CEP128: variants seen among roughly 807,000 people sequenced by gnomAD.
CEP128 encodes the protein centrosomal protein 128.
In CEP128, 132 loss-of-function variants were observed where a neutral mutation model predicts 156.7. The observed-to-expected ratio is 0.84, with a 90% CI of 0.73 to 0.97. The LOEUF (loss-of-function observed/expected upper bound fraction) is 0.97, where lower values mean the gene tolerates loss of function less well. Among genes scored for constraint, CEP128 ranks in the 50% least tolerant of loss-of-function variants. The pLI, the probability that CEP128 is intolerant of heterozygous loss-of-function variation, is 0.00. For synonymous variants in CEP128, 469 were observed against 448.9 expected (o/e 1.04, Z -0.57); for missense variants, 1,252 against 1,281.9 (o/e 0.98, Z 0.36).
At chr14:80,518,235 T>C (rs1387094905) in intron 23 of CEP128, among the ~76,000 whole-genome samples, 1 of 151,318 alleles carries the variant, frequency 6.6e-6, no homozygotes, top group Admixed American at 6.6e-5. Context: ...ATTGGTATTT[T>C]AGTGAGCTCT....
chr14:80,894,801 T>A, intron 8 of CEP128: 1 of 297,162 alleles, frequency 3.4e-6, no homozygotes, highest in Non-Finnish European at 6.5e-6. Flanking sequence ...AAAGATCAAC[T>A]TAGTTGATCT....
chr14:80,889,304 A>G (rs745701110), intron 8 of CEP128, among the ~76,000 whole-genome samples: 4 of 152,252 alleles, frequency 2.6e-5, no homozygotes, highest in Non-Finnish European at 4.4e-5. Flanking sequence ...GAACCAAAAA[A>G]GAGCCTGCAT....
At chr14:80,593,233 A>C (rs1892158379) in intron 19 of CEP128, among the ~76,000 whole-genome samples, 1 of 152,120 alleles carries the variant, frequency 6.6e-6, no homozygotes, top group Non-Finnish European at 1.5e-5. Context: ...TGCAGATGAC[A>C]TGATTGTTTA....
chr14:80,719,824 A>G (rs1196005361), intron 19 of CEP128, among the ~76,000 whole-genome samples: 3 of 152,226 alleles, frequency 2.0e-5, no homozygotes, highest in Admixed American at 6.5e-5. Context: ...TTTTCAACAC[A>G]TAGTAACTGT....
intron 24 of CEP128, among the ~76,000 whole-genome samples, chr14:80,502,742 C>T (rs1046176506): frequency 6.6e-6 from 1 of 152,008 alleles, no homozygotes; most frequent in Non-Finnish European, 1.5e-5. Flanking sequence ...CCCTGTATTA[C>T]TCATTTGCCG....
intron 19 of CEP128, among the ~76,000 whole-genome samples, chr14:80,624,736 C>G (rs1490438899): frequency 2.0e-5 from 3 of 152,076 alleles, no homozygotes; most frequent in African/African-American, 7.2e-5. Context: ...AGAGAAATGT[C>G]TACTCAGACC....
At chr14:80,711,333 G>GTGTGTGTGTGTC in intron 19 of CEP128, among the ~76,000 whole-genome samples, 1 of 146,948 alleles carries the variant, frequency 6.8e-6, no homozygotes, top group African/African-American at 2.5e-5. Flanking sequence ...GTGTGTGTGT[G>GTGTGTGTGTGTC]TCTATATGTC....
chr14:80,688,246 AT>A (rs1183039240), intron 19 of CEP128, among the ~76,000 whole-genome samples: 10 of 152,140 alleles, frequency 6.6e-5, no homozygotes, highest in Admixed American at 5.2e-4. Context: ...TTCCCAGATG[AT>A]AGTAACTCCT....
intron 13 of CEP128, among the ~76,000 whole-genome samples, chr14:80,820,968 A>G (rs1314756001): frequency 6.6e-6 from 1 of 151,252 alleles, no homozygotes; most frequent in Non-Finnish European, 1.5e-5. Context: ...GAAATTAAAC[A>G]CATTTAATGT....
At chr14:80,946,636 A>C (rs1886350792), upstream of CEP128, among the ~76,000 whole-genome samples, 1 of 152,220 alleles carries the variant, frequency 6.6e-6, no homozygotes, top group Non-Finnish European at 1.5e-5. Context: ...ATCCTAACCC[A>C]ACTCATCTAG....
At chr14:80,793,132 C>G (rs761781442) in intron 13 of CEP128, 22 bp from the exon 14 acceptor site, 13 of 1,577,942 alleles carry the variant, frequency 8.2e-6, no homozygotes, top group Non-Finnish European at 1.0e-5. Context: ...GCATGCAAAA[C>G]ATTAGGAACA....
chr14:80,835,635 C>T (rs1025951722), intron 12 of CEP128, among the ~76,000 whole-genome samples: 10 of 152,136 alleles, frequency 6.6e-5, no homozygotes, highest in African/African-American at 2.4e-4. Context: ...CATTAAATTC[C>T]ATAATTTAAA....
intron 19 of CEP128, among the ~76,000 whole-genome samples, chr14:80,695,642 G>A (rs564604927): frequency 3.3e-5 from 5 of 151,408 alleles, no homozygotes; most frequent in Admixed American, 1.3e-4. Context: ...GCTTGAACCC[G>A]GGAGGCAGAG....
chr14:80,658,742 T>A lies in CEP128; in HGVS notation c.2807-78319A>T, dbSNP rs80063564. On this transcript the variant is annotated intron_variant, in intron 19 of 24. Transcript: ENST00000555265. ...AGAAGAAGTCCGGTTGATCAAGAAT[T>A]TGAAACAGGCACAAGCAACTAGCAG... 2.9e-3 allele frequency among the ~76,000 whole-genome samples: 436 copies of A among 152,270 alleles called. 3 individuals carry two copies. The highest frequency in any genetic ancestry group is 0.01 in the African/African-American group (422 of 41,558).
downstream of CEP128, among the ~76,000 whole-genome samples, chr14:80,488,566 G>T (rs533278512): frequency 1.1e-3 from 166 of 152,068 alleles, no homozygotes; most frequent in African/African-American, 3.9e-3. Context: ...CATTGTGGAA[G>T]TCAGTGTGGT....
chr14:80,617,396 A>C (rs1028877568), intron 19 of CEP128, among the ~76,000 whole-genome samples: 3 of 151,598 alleles, frequency 2.0e-5, no homozygotes, highest in Admixed American at 2.0e-4. Context: ...ACGCCTGGCT[A>C]ATTTTTCTTT....
intron 19 of CEP128, among the ~76,000 whole-genome samples, chr14:80,723,065 A>T (rs1186978016): frequency 6.6e-6 from 1 of 151,906 alleles, no homozygotes; most frequent in Non-Finnish European, 1.5e-5. Context: ...TGACCTTGTG[A>T]TCCGCCCGCC....
At chr14:80,659,266 G>A (rs1271720463) in intron 19 of CEP128, among the ~76,000 whole-genome samples, 1 of 152,004 alleles carries the variant, frequency 6.6e-6, no homozygotes, top group Non-Finnish European at 1.5e-5. Flanking sequence ...CCTACAGCAG[G>A]AAAGGGGTCA....
intron 8 of CEP128, among the ~76,000 whole-genome samples, chr14:80,893,649 AG>A (rs1003151271): frequency 1.3e-5 from 2 of 152,022 alleles, no homozygotes; most frequent in African/African-American, 4.8e-5. Context: ...AAACAAAAAA[AG>A]TATAGTTACA....
Sources: gnomAD v4.1 joint callset for allele counts (sites outside exome capture counted in the v4.1 genomes callset) on GRCh38, gnomAD v4.1.1 for gene constraint, MANE v1.5 for transcripts, NCBI Gene and HGNC (gene_info 2026-07-23, HGNC 2026-07-21) for gene names.